Variants in FAM110B observed in about 807,000 individuals in gnomAD.
FAM110B encodes protein FAM110B.
A neutral mutation model predicts 20.4 loss-of-function variants in FAM110B; 6 were observed. The ratio of observed to expected loss-of-function variants is 0.29; its 90% confidence interval spans 0.16 to 0.58. The LOEUF is 0.58. Ranked by LOEUF, FAM110B falls within the 20% of genes least tolerant of loss-of-function variation. The probability of loss-of-function intolerance (pLI) is 0.90; values close to 1 mark genes in which losing one functional copy is unlikely to be tolerated. For synonymous variants in FAM110B, 226 were observed against 214.1 expected (o/e 1.06, Z -0.49); for missense variants, 434 against 498.2 (o/e 0.87, Z 1.23).
intron 1 of FAM110B, among the ~76,000 whole-genome samples, chr8:58,014,064 A>G (rs1015317775): frequency 1.3e-5 from 2 of 152,062 alleles, no homozygotes; most frequent in African/African-American, 4.8e-5. Flanking sequence ...TCTGGCTTGG[A>G]AAAGGCCCGA....
intron 1 of FAM110B, among the ~76,000 whole-genome samples, chr8:58,007,760 C>G (rs544981124): frequency 6.6e-6 from 1 of 152,158 alleles, no homozygotes; most frequent in Non-Finnish European, 1.5e-5. Context: ...TTCCAACCTC[C>G]AGGACTGTGA....
chr8:58,102,587 C>A (rs181625747), intron 3 of FAM110B, among the ~76,000 whole-genome samples: 1 of 152,116 alleles, frequency 6.6e-6, no homozygotes, highest in Non-Finnish European at 1.5e-5. Context: ...GCTTTTGTTG[C>A]GTAAATGAAT....
chr8:58,021,292 T>C (rs555806859), intron 1 of FAM110B, among the ~76,000 whole-genome samples: 40 of 152,306 alleles, frequency 2.6e-4, no homozygotes, highest in African/African-American at 8.7e-4. Flanking sequence ...TGTGCTATTC[T>C]ATTGGGTCAC....
chr8:58,038,755 CA>C (rs11420646), intron 2 of FAM110B, among the ~76,000 whole-genome samples: 135 of 138,086 alleles, frequency 9.8e-4, no homozygotes, highest in Middle Eastern at 3.8e-3. Flanking sequence ...GACTCTGTCT[CA>C]AAAAAAAAAA....
At chr8:58,134,030 A>C (rs768580204) in intron 3 of FAM110B, among the ~76,000 whole-genome samples, 3 of 152,246 alleles carry the variant, frequency 2.0e-5, no homozygotes, top group Non-Finnish European at 4.4e-5. Flanking sequence ...AAAGATGAAA[A>C]TATGTGCTGC....
At chr8:58,047,608 C>CTCTCTCTCTCTCTCTCTCTCTCTA (rs1805353852) in intron 2 of FAM110B, among the ~76,000 whole-genome samples, 1 of 148,444 alleles carries the variant, frequency 6.7e-6, no homozygotes, top group African/African-American at 2.5e-5. Context: ...CTCTCTCTCT[C>CTCTCTCTCTCTCTCTCTCTCTCTA]TCTCTCTCTC....
At chr8:58,095,798 G>C (rs570552380) in intron 3 of FAM110B, among the ~76,000 whole-genome samples, 2 of 152,172 alleles carry the variant, frequency 1.3e-5, no homozygotes, top group Admixed American at 6.5e-5. Flanking sequence ...TATCCTTGTT[G>C]ATTTTCTGTC....
chr8:58,094,354 T>C (rs970311578), intron 3 of FAM110B, among the ~76,000 whole-genome samples: 3 of 152,234 alleles, frequency 2.0e-5, no homozygotes, highest in Admixed American at 1.3e-4. Context: ...CTTCCAGTTT[T>C]TGCCCATTCA....
At position 58,135,779 on chromosome 8, in the gene FAM110B, G is replaced by A. The variant is rs374864076; in HGVS notation, c.-324-10128G>A. Among the ~76,000 whole-genome samples the A allele has an allele frequency of 2.0e-4, 31 of 152,218 alleles. No homozygotes were observed. In the East Asian group the frequency reaches 4.3e-3, roughly 21 times the overall value. ...TCTGGGCTCTCTCTGCCACTCACCAGTACTCACCCTCTCCTCTATACAAGG... is the reference window on the plus strand; with the variant it reads ...TCTGGGCTCTCTCTGCCACTCACCAATACTCACCCTCTCCTCTATACAAGG... On this transcript the variant is annotated intron_variant, in intron 3 of 3. Coordinates refer to ENST00000519262, the MANE Select transcript of FAM110B (RefSeq NM_001377989.1).
intron 1 of FAM110B, among the ~76,000 whole-genome samples, chr8:58,008,214 C>A (rs1395431745): frequency 1.3e-5 from 2 of 149,752 alleles, no homozygotes; most frequent in Non-Finnish European, 3.0e-5. Context: ...CTTACTGCAA[C>A]CTCCACCTTC....
chr8:58,099,507 G>A (rs1156355461), intron 3 of FAM110B, among the ~76,000 whole-genome samples: 2 of 152,122 alleles, frequency 1.3e-5, no homozygotes, highest in Admixed American at 6.5e-5. Flanking sequence ...AGTAATTTCA[G>A]TATATAAATA....
intron 2 of FAM110B, among the ~76,000 whole-genome samples, chr8:58,064,663 G>A (rs1018864884): frequency 2.0e-5 from 3 of 152,156 alleles, no homozygotes; most frequent in Admixed American, 1.3e-4. Flanking sequence ...GGAGAATTTA[G>A]ATGATGTTTA....
intron 3 of FAM110B, among the ~76,000 whole-genome samples, chr8:58,133,710 GCCTGT>G (rs33981558): frequency 0.13 from 20,024 of 152,114 alleles, 1,788 homozygotes; most frequent in African/African-American, 0.25. Flanking sequence ...AGGGGACAGA[GCCTGT>G]GGTCACAGAC....
At chr8:58,048,592 G>A (rs1432054911) in intron 2 of FAM110B, among the ~76,000 whole-genome samples, 2 of 152,132 alleles carry the variant, frequency 1.3e-5, no homozygotes, top group African/African-American at 4.8e-5. Context: ...TCTTTGGGGT[G>A]TTTTGTTATT....
chr8:58,061,458 A>G (rs1805657093), intron 2 of FAM110B, among the ~76,000 whole-genome samples: 1 of 152,224 alleles, frequency 6.6e-6, no homozygotes, highest in East Asian at 1.9e-4. Flanking sequence ...AGAGGAATTT[A>G]AACTCTCCTC....
intron 2 of FAM110B, among the ~76,000 whole-genome samples, chr8:58,057,314 A>G (rs1563353708): frequency 6.6e-6 from 1 of 152,214 alleles, no homozygotes; most frequent in Admixed American, 6.5e-5. Flanking sequence ...GCTTGTTGAT[A>G]GAGTGAGAAT....
intron 3 of FAM110B, among the ~76,000 whole-genome samples, chr8:58,118,085 GTTTAGC>G (rs1474050644): frequency 6.6e-6 from 1 of 152,140 alleles, no homozygotes; most frequent in Non-Finnish European, 1.5e-5. Flanking sequence ...TTAGCTTTAT[GTTTAGC>G]TTTAAGTTTT....
At chr8:58,001,552 C>T (rs545261301) in intron 1 of FAM110B, among the ~76,000 whole-genome samples, 8 of 152,220 alleles carry the variant, frequency 5.3e-5, no homozygotes, top group Admixed American at 2.0e-4. Context: ...GATTCACTAG[C>T]GTTACAAGAT....
chr8:58,072,093 T>C (rs1393842145), intron 2 of FAM110B, among the ~76,000 whole-genome samples: 1 of 152,212 alleles, frequency 6.6e-6, no homozygotes, highest in Non-Finnish European at 1.5e-5. Flanking sequence ...TGGACACTCA[T>C]TTTGGGAAGG....
Sources: allele counts gnomAD v4.1 joint callset (sites outside exome capture counted in the v4.1 genomes callset), GRCh38; gene constraint gnomAD v4.1.1; transcripts MANE v1.5; gene names NCBI Gene and HGNC (gene_info 2026-07-23, HGNC 2026-07-21).